Variants in ZFPM2 observed in about 807,000 individuals in gnomAD.
The protein encoded by ZFPM2 is zinc finger protein, FOG family member 2, also known as zinc finger protein ZFPM2.
ZFPM2 carries 20 observed loss-of-function variants against 98.6 expected under a neutral mutation model. That is an observed-to-expected ratio of 0.20 (90% CI 0.14 to 0.29). ZFPM2 has a LOEUF of 0.29. Among genes scored for constraint, ZFPM2 ranks in the 10% least tolerant of loss-of-function variants. The pLI is 1.00. For missense variants in ZFPM2, 1,310 were observed against 1,388.6 expected (o/e 0.94, Z 0.90); for synonymous variants, 518 against 502.7 (o/e 1.03, Z -0.41).
intron 1 of ZFPM2, among the ~76,000 whole-genome samples, chr8:105,384,900 G>T (rs1331342862): frequency 4.6e-5 from 7 of 152,130 alleles, no homozygotes; most frequent in African/African-American, 1.4e-4. Context: ...AATGAATACA[G>T]TGCTCACTGT....
intron 3 of ZFPM2, among the ~76,000 whole-genome samples, chr8:105,459,377 C>T (rs1308662908): frequency 5.3e-5 from 8 of 152,062 alleles, no homozygotes; most frequent in Non-Finnish European, 1.5e-5. Flanking sequence ...TCTAGGAAAT[C>T]TCTGAACCCT....
In ZFPM2 at chr8:105,561,367, G is replaced by A. The variant is rs1240666260; in HGVS notation, c.306G>A (p.Glu102=). 6.2e-7 allele frequency: 1 copy of A among 1,613,110 alleles called. No individual in the cohort carries two copies. Among genetic ancestry groups the A allele is most frequent in the Middle Eastern group, 1.7e-4 (1 of 6,056 alleles). The change falls in exon 4 of 8, where the codon GAG becomes GAA. Residue 102 remains glutamate, a synonymous_variant. Transcript: ENST00000407775. ...VETDDWDGPG[E]LEVFQKDGER... The stretch of plus-strand genomic sequence containing the variant: ...CTTCTGTTCCTTTGTCTGCAGGAGA[G>A]CTGGAGGTGTTTCAGAAAGATGGGG...
intron 5 of ZFPM2, among the ~76,000 whole-genome samples, chr8:105,647,364 C>T (rs1563756837): frequency 6.6e-6 from 1 of 151,886 alleles, no homozygotes; most frequent in Non-Finnish European, 1.5e-5. Context: ...AGTAGGAAGC[C>T]CCCTTTGCTC....
At chr8:105,434,033 A>T (rs950375059) in intron 2 of ZFPM2, among the ~76,000 whole-genome samples, 1 of 152,184 alleles carries the variant, frequency 6.6e-6, no homozygotes, top group Non-Finnish European at 1.5e-5. Flanking sequence ...ATGCATTTTT[A>T]AAAAATAATT....
At chr8:105,394,003 C>T (rs1269223329) in intron 1 of ZFPM2, among the ~76,000 whole-genome samples, 1 of 151,320 alleles carries the variant, frequency 6.6e-6, no homozygotes, top group Non-Finnish European at 1.5e-5. Flanking sequence ...ACGCCATTCT[C>T]CTGCCTCAGC....
At chr8:105,767,324 A>C (rs1022063261) in intron 5 of ZFPM2, among the ~76,000 whole-genome samples, 1 of 151,918 alleles carries the variant, frequency 6.6e-6, no homozygotes, top group Non-Finnish European at 1.5e-5. Flanking sequence ...CTTTTATGCA[A>C]AGAGAATGCC....
At chr8:105,742,004 G>A (rs937913721) in intron 5 of ZFPM2, among the ~76,000 whole-genome samples, 1 of 151,980 alleles carries the variant, frequency 6.6e-6, no homozygotes, top group Non-Finnish European at 1.5e-5. Context: ...GTGGTTAAAA[G>A]GTGATAATAT....
chr8:105,484,082 G>A (rs763998013), intron 3 of ZFPM2, among the ~76,000 whole-genome samples: 13 of 151,960 alleles, frequency 8.6e-5, no homozygotes, highest in Non-Finnish European at 1.9e-4. Flanking sequence ...TTCTGCAGTT[G>A]CATATGATCT....
intron 6 of ZFPM2, among the ~76,000 whole-genome samples, chr8:105,793,485 G>A (rs1813689539): frequency 6.6e-6 from 1 of 152,110 alleles, no homozygotes; most frequent in Admixed American, 6.5e-5. Flanking sequence ...CCCTTTGTGG[G>A]TAACCCGTCC....
In ZFPM2 at chr8:105,444,272, T is replaced by G. The variant is rs573002259; in HGVS notation, c.200-8T>G. 164 of 1,605,548 alleles carry G rather than the reference T, an allele frequency of 1.0e-4. No homozygotes were observed. The South Asian group carries it at 1.7e-3, about 17-fold the overall frequency. ...TTTTCTTTCTCTCCTTGTGTTGGTG[T>G]TTTCCAGGTGATGATGAAGGAATCC... is the stretch of plus-strand genomic sequence containing the variant. On this transcript the variant is annotated splice_polypyrimidine_tract_variant and splice_region_variant and intron_variant, in intron 2 of 7. Transcript: ENST00000407775.
intron 3 of ZFPM2, among the ~76,000 whole-genome samples, chr8:105,494,437 A>G (rs1363449672): frequency 3.3e-5 from 5 of 151,232 alleles, no homozygotes; most frequent in African/African-American, 1.2e-4. Context: ...CTCTATCCCT[A>G]GGTGCTTTTG....
Position 105,716,003 on chromosome 8 carries a change from G to A in ZFPM2, c.533-72715G>A, listed in dbSNP as rs879744241. On this transcript the variant is annotated intron_variant, in intron 5 of 7. Transcript: ENST00000407775. Reference sequence around the variant, plus strand: ...TCAAAACAATCAGGTGCCATAATCTGAAATAAAGTGCCACATTGAAGGACA... The same window carrying A: ...TCAAAACAATCAGGTGCCATAATCTAAAATAAAGTGCCACATTGAAGGACA... Among the ~76,000 whole-genome samples, 49 of 151,874 alleles carry A rather than the reference G, an allele frequency of 3.2e-4. 2 individuals carry two copies. Among genetic ancestry groups the A allele is most frequent in the Admixed American group, 3.0e-3 (45 of 15,196 alleles).
chr8:105,408,187 A>G (rs1048337337), intron 1 of ZFPM2, among the ~76,000 whole-genome samples: 7 of 151,906 alleles, frequency 4.6e-5, no homozygotes, highest in African/African-American at 1.4e-4. Flanking sequence ...CCGCTCTCCT[A>G]ATTCTCCAGA....
chr8:105,684,990 A>G (rs1810698068), intron 5 of ZFPM2: 1 of 152,152 alleles, frequency 6.6e-6, no homozygotes, highest in African/African-American at 2.4e-5. Context: ...TGATTATAAA[A>G]TATATACAGG....
intron 5 of ZFPM2, among the ~76,000 whole-genome samples, chr8:105,753,716 G>A (rs1260779545): frequency 6.6e-6 from 1 of 152,104 alleles, no homozygotes; most frequent in Non-Finnish European, 1.5e-5. Flanking sequence ...TAACTATATA[G>A]TCATTGCAAT....
Position 105,803,598 on chromosome 8 carries a change from A to C in ZFPM2, c.*60A>C. The C allele has an allele frequency of 6.7e-7, 1 of 1,502,174 alleles. No individual in the cohort carries two copies. Among genetic ancestry groups the C allele is most frequent in the Admixed American group, 2.0e-5 (1 of 50,286 alleles). The allele number at this position is 1,502,174 out of a possible 1,614,324, so 93.1% of individuals were successfully genotyped here. A position where few individuals can be genotyped will look rare whatever the true frequency, so the allele number is the denominator to read the frequency against. On this transcript the variant is annotated 3_prime_UTR_variant, in exon 8 of 8. Coordinates refer to ENST00000407775, the MANE Select transcript of ZFPM2 (RefSeq NM_012082.4). ...TTTAGTATGTTGTTCTAACCAGTCC[A>C]GAAAAAAAAATAAGCTGTTTGAATT...
rs893529519 is a variant in ZFPM2, at chr8:105,798,582, A to C, written c.740-142A>C. 2.0e-5 allele frequency: 13 copies of C among 661,222 alleles called. No homozygotes were observed. In the Admixed American group the frequency reaches 2.9e-4, roughly 15 times the overall value. 41.0% of individuals were successfully genotyped at this position (661,222 alleles called of 1,614,324 possible). A position where few individuals can be genotyped will look rare whatever the true frequency, so the allele number is the denominator to read the frequency against. On this transcript the variant is annotated intron_variant, in intron 6 of 7. Coordinates refer to ENST00000407775, the MANE Select transcript of ZFPM2 (RefSeq NM_012082.4). ...AAGTCGAGTCCTATGCTGTAGAACA[A>C]CACCAAAGACTGTTACTCATCTGAT...
chr8:105,565,148 A>G lies in ZFPM2; in HGVS notation c.420+3667A>G, dbSNP rs570060673. On this transcript the variant is annotated intron_variant, in intron 4 of 7. Coordinates refer to ENST00000407775, the MANE Select transcript of ZFPM2 (RefSeq NM_012082.4). ...CCATGCCAGATGTCAAATCCTTTTT[A>G]TATCTTTCAAGTCCCCATCTTCAAG... Among the ~76,000 whole-genome samples the G allele has an allele frequency of 1.8e-3, 275 of 152,222 alleles. 2 individuals carry two copies. Among genetic ancestry groups the G allele is most frequent in the Non-Finnish European group, 2.8e-3 (189 of 68,020 alleles).
In ZFPM2 at chr8:105,652,629, C is replaced by T. The variant is rs189970244; in HGVS notation, c.532+18272C>T. ...GGTATACATTGTTAGTAAAGATTTTCAAGAATGATTATTCTTTAGGTCAGC... is the reference window on the plus strand; with the variant it reads ...GGTATACATTGTTAGTAAAGATTTTTAAGAATGATTATTCTTTAGGTCAGC... On this transcript the variant is annotated intron_variant, in intron 5 of 7. Transcript: ENST00000407775. 3.4e-3 allele frequency among the ~76,000 whole-genome samples: 515 copies of T among 152,132 alleles called. 1 individual carries two copies. Among genetic ancestry groups the T allele is most frequent in the Non-Finnish European group, 5.8e-3 (395 of 67,994 alleles).
Sources: allele counts gnomAD v4.1 joint callset (sites outside exome capture counted in the v4.1 genomes callset), GRCh38; gene constraint gnomAD v4.1.1; transcripts MANE v1.5; gene names NCBI Gene and HGNC (gene_info 2026-07-23, HGNC 2026-07-21).